CNDP1: variants seen among roughly 807,000 people sequenced by gnomAD.
The protein encoded by CNDP1 is carnosine dipeptidase 1.
A neutral mutation model predicts 58.1 loss-of-function variants in CNDP1; 44 were observed. The ratio of observed to expected loss-of-function variants is 0.76; its 90% confidence interval spans 0.60 to 0.97. The LOEUF is 0.97. Among genes scored for constraint, CNDP1 ranks in the 50% least tolerant of loss-of-function variants. The pLI is 0.00. For missense variants in CNDP1, 616 were observed against 655.1 expected, an observed-to-expected ratio of 0.94 and a Z score of 0.65; for synonymous variants, 254 against 252.6, an observed-to-expected ratio of 1.01 and a Z score of -0.05.
At chr18:74,566,719 T>G (rs1254071216) in intron 5 of CNDP1, among the ~76,000 whole-genome samples, 2 of 152,242 alleles carry the variant, frequency 1.3e-5, no homozygotes, top group East Asian at 3.8e-4. Flanking sequence ...AGTTCCAAAC[T>G]TTCCACATTT....
intron 10 of CNDP1, 36 bp downstream of exon 10, chr18:74,580,307 A>G (rs1391984855): frequency 1.2e-6 from 2 of 1,610,420 alleles, no homozygotes; most frequent in Non-Finnish European, 1.7e-6. Flanking sequence ...GCCAATCTGC[A>G]CTGGGACTCA....
intron 6 of CNDP1, among the ~76,000 whole-genome samples, chr18:74,569,059 A>G (rs1981402510): frequency 6.6e-6 from 1 of 152,184 alleles, no homozygotes; most frequent in Non-Finnish European, 1.5e-5. Context: ...CAAGGGACTG[A>G]CGTCTTAATG....
chr18:74,564,539 A>G (rs1195618128), intron 5 of CNDP1, among the ~76,000 whole-genome samples: 1 of 152,238 alleles, frequency 6.6e-6, no homozygotes, highest in Non-Finnish European at 1.5e-5. Context: ...AATCTTTCAA[A>G]GGAAAATGTT....
chr18:74,553,461 C>A (rs1599090475), intron 1 of CNDP1, among the ~76,000 whole-genome samples: 1 of 152,130 alleles, frequency 6.6e-6, no homozygotes, highest in East Asian at 1.9e-4. Flanking sequence ...GGGGGTGAAA[C>A]TTTATCATTT....
intron 1 of CNDP1, among the ~76,000 whole-genome samples, chr18:74,556,002 A>T (rs1422672514): frequency 6.6e-6 from 1 of 152,112 alleles, no homozygotes; most frequent in Non-Finnish European, 1.5e-5. Flanking sequence ...TCTCTCTTGT[A>T]AAGATCACCC....
intron 1 of CNDP1, among the ~76,000 whole-genome samples, chr18:74,537,409 A>G (rs1293036627): frequency 6.6e-6 from 1 of 152,134 alleles, no homozygotes; most frequent in East Asian, 1.9e-4. Flanking sequence ...GTCCTTTTCC[A>G]TTGCTTGTTT....
intron 6 of CNDP1, among the ~76,000 whole-genome samples, chr18:74,570,218 T>TAATACTAATAATAA (rs56019800): frequency 1.0e-5 from 1 of 97,898 alleles, no homozygotes; most frequent in African/African-American, 2.8e-5. Context: ...ATAATAATAA[T>TAATACTAATAATAA]TAATAATAAT....
intron 1 of CNDP1, among the ~76,000 whole-genome samples, chr18:74,539,917 G>A (rs566741331): frequency 2.0e-5 from 3 of 152,294 alleles, no homozygotes; most frequent in Admixed American, 2.0e-4. Context: ...GCAAATTCCA[G>A]ACATTGCATT....
intron 1 of CNDP1, among the ~76,000 whole-genome samples, chr18:74,540,716 A>G (rs1303177406): frequency 6.6e-6 from 1 of 152,218 alleles, no homozygotes; most frequent in Non-Finnish European, 1.5e-5. Context: ...ATGCAGCTAC[A>G]GTAGCTCTGC....
intron 8 of CNDP1, chr18:74,577,468 C>T (rs1156429037): frequency 6.5e-6 from 1 of 153,864 alleles, no homozygotes; most frequent in Admixed American, 6.5e-5. Context: ...ATCATTGTCT[C>T]AGTGGACTAA....
Position 74,561,994 on chromosome 18 carries a change from CA to C in CNDP1, c.467-52del. ...CATGAAACGACATTGGTTTTTAACTCACATGGCAGAGGTGTCCACACTTCTC... is the reference window on the plus strand; with the variant it reads ...CATGAAACGACATTGGTTTTTAACTCCATGGCAGAGGTGTCCACACTTCTC... On this transcript the variant is annotated intron_variant, in intron 4 of 11. Transcript: ENST00000358821. The C allele has an allele frequency of 2.0e-6, 3 of 1,486,368 alleles. No homozygotes were observed. The African/African-American group carries it at 4.1e-5, about 21-fold the overall frequency. The allele number at this position is 1,486,368 out of a possible 1,614,324, so 92.1% of individuals were successfully genotyped here.
chr18:74,569,017 C>A (rs1211636784), intron 6 of CNDP1, among the ~76,000 whole-genome samples: 4 of 151,980 alleles, frequency 2.6e-5, no homozygotes, highest in African/African-American at 9.7e-5. Flanking sequence ...AAAACAAAGG[C>A]AGGAGGGCAA....
Position 74,548,786 on chromosome 18 carries a change from G to A in CNDP1, c.25-7552G>A, listed in dbSNP as rs1219743850. Among the ~76,000 whole-genome samples, 3 of 152,246 alleles carry A rather than the reference G, an allele frequency of 2.0e-5. No individual in the cohort carries two copies. The East Asian group carries it at 5.8e-4, about 29-fold the overall frequency. On this transcript the variant is annotated intron_variant, in intron 1 of 11. Transcript: ENST00000358821. ...TGTGTGCAGTGAAGTCCAGGCTGAT[G>A]TGGTCTCAGATGGAAAAACTGATTG...
chr18:74,559,593 T>A, intron 3 of CNDP1, 121 bp downstream of exon 3: 2 of 839,578 alleles, frequency 2.4e-6, no homozygotes, highest in Non-Finnish European at 3.6e-6. Flanking sequence ...ATAACCCCAA[T>A]TCCCAATGAA....
At position 74,562,103 on chromosome 18, in the gene CNDP1, A is replaced by T; in HGVS notation, c.523A>T (p.Asn175Tyr). The T allele has an allele frequency of 6.2e-7, 1 of 1,614,094 alleles. No homozygotes were observed. Among genetic ancestry groups the T allele is most frequent in the Non-Finnish European group, 8.5e-7 (1 of 1,179,990 alleles). Residue 175 changes from asparagine (N) to tyrosine (Y), a missense_variant, in exon 5 of 12, where the codon AAT becomes TAT. Transcript: ENST00000358821. ...CAAAGGCCCTGTCTTGGCTTGGATC[A>T]ATGCTGTGAGCGCCTTCAGAGCCCT... Reference protein sequence around the residue: ...DNKGPVLAWINAVSAFRALEQ... With the variant: ...DNKGPVLAWIYAVSAFRALEQ...
At position 74,584,595 on chromosome 18, in the gene CNDP1, TGACA is replaced by T. The variant is rs1459300593; in HGVS notation, c.*36_*39del. 1 of 1,526,216 alleles carries T rather than the reference TGACA, an allele frequency of 6.6e-7. No homozygotes were observed. The highest frequency in any genetic ancestry group is 1.1e-5 in the South Asian group (1 of 89,286). The allele number at this position is 1,526,216 out of a possible 1,614,324, so 94.5% of individuals were successfully genotyped here. On this transcript the variant is annotated 3_prime_UTR_variant, in exon 12 of 12. Transcript: ENST00000358821. ...AACCTTCTAGTCTGATCTGATCCAC[TGACA>T]GATTCACCTCCCCCACATCCCTAGA...
chr18:74,584,705 C>A lies in CNDP1; in HGVS notation c.*143C>A. 1.5e-6 allele frequency: 1 copy of A among 652,372 alleles called. No individual in the cohort carries two copies. Among genetic ancestry groups the A allele is most frequent in the Non-Finnish European group, 2.7e-6 (1 of 365,152 alleles). 40.4% of individuals were successfully genotyped at this position (652,372 alleles called of 1,614,324 possible). A position where few individuals can be genotyped will look rare whatever the true frequency, so the allele number is the denominator to read the frequency against. On this transcript the variant is annotated 3_prime_UTR_variant, in exon 12 of 12. Coordinates refer to ENST00000358821, the MANE Select transcript of CNDP1 (RefSeq NM_032649.6). ...TTCCATTTAAAATGTCTTGGGATAT[C>A]TGGATCAGTAATAAAATATTTCAAA... is the stretch of plus-strand genomic sequence containing the variant.
intron 4 of CNDP1, chr18:74,561,259 A>G: frequency 2.5e-6 from 1 of 401,656 alleles, no homozygotes; most frequent in African/African-American, 2.0e-5. Context: ...TACTAAAAAT[A>G]CAAAAAAATA....
chr18:74,556,584 T>C, intron 2 of CNDP1, 118 bp downstream of exon 2: 2 of 1,100,804 alleles, frequency 1.8e-6, no homozygotes, highest in Admixed American at 2.0e-5. Context: ...CCATTTAAAA[T>C]GCCTATGACT....
Sources: gnomAD v4.1 joint callset for allele counts (sites outside exome capture counted in the v4.1 genomes callset) on GRCh38, gnomAD v4.1.1 for gene constraint, MANE v1.5 for transcripts, NCBI Gene and HGNC (gene_info 2026-07-23, HGNC 2026-07-21) for gene names.